Variants in PRDM8 observed in about 807,000 individuals in gnomAD.
PRDM8 encodes PR/SET domain 8.
Under a neutral mutation model 46.5 loss-of-function variants are expected in PRDM8, and 13 were observed. The observed-to-expected ratio is 0.28, with a 90% CI of 0.18 to 0.44. PRDM8 has a LOEUF of 0.44. Among genes scored for constraint, PRDM8 ranks in the 20% least tolerant of loss-of-function variants. PRDM8 has a pLI of 1.00. For missense variants in PRDM8, 998 were observed against 955.0 expected (o/e 1.04, Z -0.59); for synonymous variants, 473 against 438.4 (o/e 1.08, Z -0.98).
Position 80,203,316 on chromosome 4 carries a change from G to C in PRDM8, c.1854G>C (p.Ser618=), listed in dbSNP as rs1037260085. The change falls in exon 4 of 4, where the codon TCG becomes TCC. Residue 618 remains serine (S), a synonymous_variant. Coordinates refer to ENST00000415738, the MANE Select transcript of PRDM8 (RefSeq NM_001099403.2). ...ALTLLPPSFT[S]LCLPAQNWCA... ...CGCTGCTGCCGCCCTCCTTCACCTC[G>C]CTGTGTCTGCCCGCGCAGAACTGGT... The C allele has an allele frequency of 1.2e-6, 2 of 1,613,010 alleles. No homozygotes were observed. Among genetic ancestry groups the C allele is most frequent in the East Asian group, 2.2e-5 (1 of 44,794 alleles).
At chr4:80,186,249 G>A (rs920620462) in intron 1 of PRDM8, among the ~76,000 whole-genome samples, 1 of 151,552 alleles carries the variant, frequency 6.6e-6, no homozygotes, top group African/African-American at 2.4e-5. Flanking sequence ...CCCTACTAGC[G>A]GGTAAACAGG....
At chr4:80,197,203 C>T, upstream of PRDM8, 1 of 985,516 alleles carries the variant, frequency 1.0e-6, no homozygotes, top group Non-Finnish European at 1.2e-6. Flanking sequence ...GAAAGGCCCT[C>T]TCCAATCATT....
chr4:80,201,736 G>A (rs1355728125), intron 3 of PRDM8, among the ~76,000 whole-genome samples, 178 bp from the exon 4 acceptor site: 1 of 152,160 alleles, frequency 6.6e-6, no homozygotes, highest in African/African-American at 2.4e-5. Context: ...AATCAGGAGG[G>A]AAAGTTAGAT....
chr4:80,191,914 T>C (rs775901561), intron 2 of PRDM8, among the ~76,000 whole-genome samples: 8 of 152,240 alleles, frequency 5.3e-5, no homozygotes, highest in Non-Finnish European at 8.8e-5. Flanking sequence ...AATTGAACCA[T>C]ATTTCCAATA....
chr4:80,189,420 TG>T (rs1297966742), intron 1 of PRDM8, among the ~76,000 whole-genome samples: 1 of 111,834 alleles, frequency 8.9e-6, no homozygotes, highest in Non-Finnish European at 1.8e-5. Context: ...GCATTAAACC[TG>T]GGGTGGGGGT....
intron 1 of PRDM8, among the ~76,000 whole-genome samples, chr4:80,185,890 G>A (rs1404911660): frequency 6.6e-6 from 1 of 152,210 alleles, no homozygotes; most frequent in East Asian, 1.9e-4. Flanking sequence ...AATGGTAATG[G>A]AGGGTCGGGC....
chr4:80,196,357 G>C, upstream of PRDM8: 1 of 985,464 alleles, frequency 1.0e-6, no homozygotes, highest in Non-Finnish European at 1.2e-6. Context: ...TTTAGGAGTA[G>C]AGAATTGAAC....
At chr4:80,201,631 C>G in intron 3 of PRDM8, 110 bp downstream of exon 3, 1 of 1,130,630 alleles carries the variant, frequency 8.8e-7, no homozygotes, top group Non-Finnish European at 1.3e-6. Context: ...CTTCGGGTGT[C>G]TCATAGGAAG....
intron 1 of PRDM8, among the ~76,000 whole-genome samples, chr4:80,187,794 T>A (rs1737237344): frequency 6.6e-6 from 1 of 152,162 alleles, no homozygotes; most frequent in South Asian, 2.1e-4. Flanking sequence ...CTGAGATCTG[T>A]AACATAAAGT....
In PRDM8 at chr4:80,203,745, C is replaced by A; in HGVS notation, c.*213C>A. 2 of 435,708 alleles carry A rather than the reference C, an allele frequency of 4.6e-6. No homozygotes were observed. The highest frequency in any genetic ancestry group is 7.8e-6 in the Non-Finnish European group (2 of 256,140). The allele number at this position is 435,708 out of a possible 1,614,324, so 27.0% of individuals were successfully genotyped here. Reference sequence around the variant, plus strand: ...TATTTACCCGGGACACACACCCCCCCCCACACACACACACAGACACACTCA... The same window carrying A: ...TATTTACCCGGGACACACACCCCCCACCACACACACACACAGACACACTCA... On this transcript the variant is annotated 3_prime_UTR_variant, in exon 4 of 4. Coordinates refer to ENST00000415738, the MANE Select transcript of PRDM8 (RefSeq NM_001099403.2).
At chr4:80,199,725 G>GTT (rs1738284309) in intron 1 of PRDM8, among the ~76,000 whole-genome samples, 1 of 139,160 alleles carries the variant, frequency 7.2e-6, no homozygotes, top group African/African-American at 2.7e-5. Context: ...GTGTGTGTGT[G>GTT]TGTGTGTGTG....
Position 80,189,121 on chromosome 4 carries a change from C to A in PRDM8, c.-982-2351C>A, listed in dbSNP as rs563067013. Among the ~76,000 whole-genome samples the A allele has an allele frequency of 2.0e-5, 3 of 152,344 alleles. No homozygotes were observed. The South Asian group carries it at 6.2e-4, about 32-fold the overall frequency. On this transcript the variant is annotated intron_variant, in intron 1 of 9. Coordinates refer to the PRDM8 transcript ENST00000339711. ...GCTCTAGGAGGCCCAGAGCCCTGGT[C>A]AGCGCTGGGAAGCCCGGTCCCCAGG...
chr4:80,197,326 G>T, upstream of PRDM8: 3 of 965,246 alleles, frequency 3.1e-6, no homozygotes, highest in Non-Finnish European at 3.7e-6. Context: ...TTGCCACCCG[G>T]GGTAGGCGCT....
rs527507093 is a variant in PRDM8, at chr4:80,204,010, G to A, written c.*478G>A. On this transcript the variant is annotated 3_prime_UTR_variant, in exon 4 of 4. Coordinates refer to ENST00000415738, the MANE Select transcript of PRDM8 (RefSeq NM_001099403.2). Reference sequence around the variant, plus strand: ...TTTAGATATAAAGTAAAGGAGGAGGGTGAGATGCTTTCTGCATTTCTTGAT... The same window carrying A: ...TTTAGATATAAAGTAAAGGAGGAGGATGAGATGCTTTCTGCATTTCTTGAT... 6 of 152,948 alleles carry A rather than the reference G, an allele frequency of 3.9e-5. No individual in the cohort carries two copies. The highest frequency in any genetic ancestry group is 1.2e-4 in the African/African-American group (5 of 41,534). 9.5% of individuals were successfully genotyped at this position (152,948 alleles called of 1,614,324 possible).
upstream of PRDM8, chr4:80,196,288 G>C: frequency 1.0e-6 from 1 of 978,892 alleles, no homozygotes. Flanking sequence ...AGTAGTGGTG[G>C]TGTGTGTGGG....
chr4:80,199,923 T>C (rs551754566), intron 1 of PRDM8, among the ~76,000 whole-genome samples, 156 bp from the exon 2 acceptor site: 1 of 152,276 alleles, frequency 6.6e-6, no homozygotes, highest in African/African-American at 2.4e-5. Context: ...CTTTAAAATA[T>C]GCCATGTTTA....
At chr4:80,198,994 G>GTTTT (rs1310531623) in intron 1 of PRDM8, among the ~76,000 whole-genome samples, 26 of 63,470 alleles carry the variant, frequency 4.1e-4, no homozygotes, top group East Asian at 6.4e-4. Flanking sequence ...TTTTTTTTTT[G>GTTTT]TTTTTTTTTT....
At chr4:80,196,475 A>C (rs1281125158), upstream of PRDM8, 1 of 985,346 alleles carries the variant, frequency 1.0e-6, no homozygotes, top group East Asian at 1.1e-4. Flanking sequence ...CAGCTGCTGC[A>C]CTAAAGGGGC....
chr4:80,194,830 C>T (rs1481857665), upstream of PRDM8, among the ~76,000 whole-genome samples: 1 of 152,184 alleles, frequency 6.6e-6, no homozygotes, highest in African/African-American at 2.4e-5. Context: ...GCTCCCTTCT[C>T]AGATGTATAA....
Sources: allele counts gnomAD v4.1 joint callset (sites outside exome capture counted in the v4.1 genomes callset), GRCh38; gene constraint gnomAD v4.1.1; transcripts MANE v1.5; gene names NCBI Gene and HGNC (gene_info 2026-07-23, HGNC 2026-07-21).